The following PPP1R14C variants were observed in gnomAD, a reference collection of about 807,000 sequenced individuals.
PPP1R14C encodes protein phosphatase 1 regulatory inhibitor subunit 14C.
In PPP1R14C, 16 loss-of-function variants were observed where a neutral mutation model predicts 20.4. The observed-to-expected ratio is 0.78, with a 90% confidence interval of 0.53 to 1.19. The LOEUF is 1.19. Among genes scored for constraint, PPP1R14C ranks in the 50% most tolerant of loss-of-function variants. PPP1R14C has a pLI of 0.00. For missense variants in PPP1R14C, 211 were observed against 220.1 expected (o/e 0.96, Z 0.26); for synonymous variants, 91 against 91.0 (o/e 1.00, Z 0.00).
chr6:150,207,158 C>T (rs917559567), intron 1 of PPP1R14C, among the ~76,000 whole-genome samples: 7 of 152,096 alleles, frequency 4.6e-5, no homozygotes, highest in Middle Eastern at 3.2e-3. Context: ...CCACTGTGCC[C>T]GGCCTATTTT....
At chr6:150,150,405 T>A (rs115370073) in intron 1 of PPP1R14C, among the ~76,000 whole-genome samples, 281 of 152,248 alleles carry the variant, frequency 1.8e-3, no homozygotes, top group African/African-American at 6.0e-3. Flanking sequence ...AACGTGCCCC[T>A]GCTACACTAG....
At chr6:150,161,152 C>T (rs1418470679) in intron 1 of PPP1R14C, among the ~76,000 whole-genome samples, 3 of 151,960 alleles carry the variant, frequency 2.0e-5, no homozygotes, top group African/African-American at 7.3e-5. Flanking sequence ...TGGTGGCATG[C>T]TCCTGTAATC....
chr6:150,178,268 T>C (rs1777584820), intron 1 of PPP1R14C, among the ~76,000 whole-genome samples: 1 of 152,162 alleles, frequency 6.6e-6, no homozygotes, highest in African/African-American at 2.4e-5. Flanking sequence ...AGGGGTCCAG[T>C]GGGTCTTTCC....
intron 1 of PPP1R14C, among the ~76,000 whole-genome samples, chr6:150,193,993 C>T (rs1283714840): frequency 6.6e-6 from 1 of 152,074 alleles, no homozygotes; most frequent in Non-Finnish European, 1.5e-5. Context: ...GGGGCGGTTT[C>T]CCTGATACTG....
intron 1 of PPP1R14C, among the ~76,000 whole-genome samples, chr6:150,203,754 G>A (rs1777908202): frequency 6.6e-6 from 1 of 152,232 alleles, no homozygotes; most frequent in Non-Finnish European, 1.5e-5. Flanking sequence ...GGTAATTTGA[G>A]TGTTTCCAGT....
At chr6:150,167,001 C>T (rs751048894) in intron 1 of PPP1R14C, among the ~76,000 whole-genome samples, 3 of 152,004 alleles carry the variant, frequency 2.0e-5, no homozygotes, top group African/African-American at 4.8e-5. Context: ...GAGGCCAAGG[C>T]GGGTGAATCC....
intron 1 of PPP1R14C, among the ~76,000 whole-genome samples, chr6:150,199,232 T>A (rs754450324): frequency 6.6e-6 from 1 of 152,160 alleles, no homozygotes; most frequent in Non-Finnish European, 1.5e-5. Context: ...TGAATGTGAA[T>A]CATAACTTGA....
chr6:150,208,743 A>G (rs1777984306), intron 1 of PPP1R14C, among the ~76,000 whole-genome samples: 1 of 152,188 alleles, frequency 6.6e-6, no homozygotes, highest in Non-Finnish European at 1.5e-5. Flanking sequence ...TTTATATATT[A>G]AATCTACCCT....
chr6:150,170,939 T>G (rs1777491819), intron 1 of PPP1R14C, among the ~76,000 whole-genome samples: 1 of 152,142 alleles, frequency 6.6e-6, no homozygotes, highest in African/African-American at 2.4e-5. Context: ...TTAAATCTGT[T>G]TTTTAGAGCA....
intron 3 of PPP1R14C, among the ~76,000 whole-genome samples, chr6:150,240,209 G>T (rs919049114): frequency 6.6e-6 from 1 of 152,184 alleles, no homozygotes; most frequent in Non-Finnish European, 1.5e-5. Context: ...AATGAGAGAG[G>T]TGACATCACT....
Position 150,185,868 on chromosome 6 carries a change from C to T in PPP1R14C, c.307-28876C>T, listed in dbSNP as rs1270698637. Among the ~76,000 whole-genome samples the T allele has an allele frequency of 1.3e-5, 2 of 152,122 alleles. No individual in the cohort carries two copies. Among genetic ancestry groups the T allele is most frequent in the African/African-American group, 4.8e-5 (2 of 41,428 alleles). Reference sequence around the variant, plus strand: ...TGAGGCTCTGTGTAGACACATGTGGCCATGACTAGCAAGGCAGGCAAGGGT... The same window carrying T: ...TGAGGCTCTGTGTAGACACATGTGGTCATGACTAGCAAGGCAGGCAAGGGT... On this transcript the variant is annotated intron_variant, in intron 1 of 3. Coordinates refer to ENST00000361131, the MANE Select transcript of PPP1R14C (RefSeq NM_030949.3). The surrounding 1 kb of genome is among the most constrained non-coding windows in gnomAD (Gnocchi z 4.1).
intron 1 of PPP1R14C, among the ~76,000 whole-genome samples, chr6:150,182,413 G>C (rs917006584): frequency 3.9e-5 from 6 of 152,134 alleles, no homozygotes; most frequent in Non-Finnish European, 8.8e-5. Flanking sequence ...TTTGGTGAGG[G>C]CCTACTTTCT....
At chr6:150,176,875 G>A (rs572217983) in intron 1 of PPP1R14C, among the ~76,000 whole-genome samples, 19 of 152,274 alleles carry the variant, frequency 1.2e-4, no homozygotes, top group Admixed American at 3.9e-4. Context: ...GGTTTTATAC[G>A]GATGAGGCCA....
At chr6:150,147,514 A>C (rs918121463) in intron 1 of PPP1R14C, among the ~76,000 whole-genome samples, 1 of 152,226 alleles carries the variant, frequency 6.6e-6, no homozygotes, top group South Asian at 2.1e-4. Context: ...GAAATCTGGC[A>C]TAATATCTAC....
intron 3 of PPP1R14C, among the ~76,000 whole-genome samples, chr6:150,229,621 A>G (rs1755032584): frequency 6.6e-6 from 1 of 152,250 alleles, no homozygotes; most frequent in African/African-American, 2.4e-5. Context: ...ACAAATTACT[A>G]TTTAAAGGCA....
chr6:150,207,183 G>C (rs1254937616), intron 1 of PPP1R14C, among the ~76,000 whole-genome samples: 1 of 152,100 alleles, frequency 6.6e-6, no homozygotes, highest in East Asian at 1.9e-4. Flanking sequence ...TTTTTAAAAA[G>C]GGCTTTGGGA....
chr6:150,232,571 A>G (rs1778307636), intron 3 of PPP1R14C, among the ~76,000 whole-genome samples: 1 of 152,192 alleles, frequency 6.6e-6, no homozygotes. Context: ...ACACCTAGGT[A>G]TTCAAACCCT....
chr6:150,240,840 A>C (rs1173923656), intron 3 of PPP1R14C, among the ~76,000 whole-genome samples: 2 of 152,190 alleles, frequency 1.3e-5, no homozygotes, highest in African/African-American at 4.8e-5. Flanking sequence ...TAACATTGTA[A>C]TATAATAAGA....
chr6:150,235,307 C>T (rs1778347489), intron 3 of PPP1R14C, among the ~76,000 whole-genome samples: 1 of 152,168 alleles, frequency 6.6e-6, no homozygotes. Flanking sequence ...CTGGGCTGGT[C>T]TCGAATTCCT....
Sources: gnomAD v4.1 joint callset for allele counts (sites outside exome capture counted in the v4.1 genomes callset) on GRCh38, gnomAD v4.1.1 for gene constraint, Gnocchi (gnomAD v3.1) non-coding constraint, MANE v1.5 for transcripts, NCBI Gene and HGNC (gene_info 2026-07-23, HGNC 2026-07-21) for gene names.